The following ANO3 variants were observed in gnomAD, a reference collection of about 807,000 sequenced individuals.
The protein encoded by ANO3 is anoctamin-3.
Under a neutral mutation model 144.8 loss-of-function variants are expected in ANO3, and 99 were observed. That is an observed-to-expected ratio of 0.68 (90% CI 0.58 to 0.81). The LOEUF is 0.81. ANO3 is among the 30% of genes least tolerant of loss of function. ANO3 has a pLI of 0.00. For synonymous variants in ANO3, 414 were observed against 392.6 expected (o/e 1.05, Z -0.64); for missense variants, 905 against 1,202.2 (o/e 0.75, Z 3.66).
intron 14 of ANO3, among the ~76,000 whole-genome samples, chr11:26,590,238 A>G (rs1438195983): frequency 1.3e-5 from 2 of 152,236 alleles, no homozygotes; most frequent in African/African-American, 4.8e-5. Flanking sequence ...AGAGAAACTC[A>G]TATTTGTCAA....
At chr11:26,350,595 T>C (rs1487057064) in intron 1 of ANO3, among the ~76,000 whole-genome samples, 1 of 152,146 alleles carries the variant, frequency 6.6e-6, no homozygotes, top group African/African-American at 2.4e-5. Flanking sequence ...TTTAAGTGAA[T>C]CAGTGTTCAA....
intron 1 of ANO3, among the ~76,000 whole-genome samples, chr11:26,374,830 G>A (rs183260650): frequency 3.3e-5 from 5 of 152,268 alleles, no homozygotes; most frequent in East Asian, 1.9e-4. Flanking sequence ...TGCAACCTCC[G>A]CCTTCCAGGC....
At chr11:26,616,756 A>C (rs1258127615) in intron 17 of ANO3, among the ~76,000 whole-genome samples, 1 of 152,088 alleles carries the variant, frequency 6.6e-6, no homozygotes, top group Non-Finnish European at 1.5e-5. Flanking sequence ...ACATTTTCTT[A>C]CAAAATTGTT....
intron 1 of ANO3, among the ~76,000 whole-genome samples, chr11:26,371,666 T>A (rs766486665): frequency 1.3e-5 from 2 of 152,234 alleles, no homozygotes; most frequent in Non-Finnish European, 2.9e-5. Context: ...GCCCACCTCT[T>A]GCATTAGCAT....
In ANO3 at chr11:26,214,930, T is replaced by C. The variant is rs539118395; in HGVS notation, c.154+25600T>C. 1.2e-4 allele frequency among the ~76,000 whole-genome samples: 19 copies of C among 152,078 alleles called. 1 individual carries two copies. In the South Asian group the frequency reaches 3.9e-3, roughly 32 times the overall value. On this transcript the variant is annotated intron_variant, in intron 1 of 27. Transcript: ENST00000672621. ...TTTTGAGTACAGGTCAAGTATTTTG[T>C]AGAATGTCTCTCAACTGATATTTGT...
intron 4 of ANO3, among the ~76,000 whole-genome samples, chr11:26,500,921 C>A (rs1861170981): frequency 6.6e-6 from 1 of 152,032 alleles, no homozygotes; most frequent in Non-Finnish European, 1.5e-5. Flanking sequence ...TTGGATTTTT[C>A]TCTAATTTAG....
intron 1 of ANO3, among the ~76,000 whole-genome samples, chr11:26,374,629 T>C (rs1856355347): frequency 6.6e-6 from 1 of 152,246 alleles, no homozygotes; most frequent in African/African-American, 2.4e-5. Flanking sequence ...TGGACTCCTA[T>C]TCTATAAGAG....
chr11:26,218,773 TA>T (rs1015063465), intron 1 of ANO3, among the ~76,000 whole-genome samples: 7 of 152,132 alleles, frequency 4.6e-5, no homozygotes, highest in Non-Finnish European at 1.0e-4. Flanking sequence ...GGAAAAAATA[TA>T]AAAGCCTGTA....
At chr11:26,358,013 TTC>T (rs1489959660) in intron 1 of ANO3, among the ~76,000 whole-genome samples, 1 of 152,178 alleles carries the variant, frequency 6.6e-6, no homozygotes, top group East Asian at 1.9e-4. Context: ...ACTGGGCTGT[TTC>T]TGTTTCATTA....
Position 26,537,484 on chromosome 11 carries a change from G to A in ANO3, c.1032+23G>A, listed in dbSNP as rs376920817. 66 of 1,598,072 alleles carry A rather than the reference G, an allele frequency of 4.1e-5. No individual in the cohort carries two copies. In the Middle Eastern group the frequency reaches 5.0e-4, roughly 12 times the overall value. On this transcript the variant is annotated intron_variant, in intron 10 of 26. Coordinates refer to ENST00000256737, the MANE Select transcript of ANO3 (RefSeq NM_031418.4). ...GAGGTAATTTTGAAATACAGTTTCC[G>A]CTTTATAAACAAGGTTTTCATGCTC...
chr11:26,416,934 T>C (rs748922182), intron 1 of ANO3, among the ~76,000 whole-genome samples: 3 of 152,090 alleles, frequency 2.0e-5, no homozygotes, highest in Non-Finnish European at 2.9e-5. Context: ...TTGGCTAAAC[T>C]ATCCTCTAAT....
intron 1 of ANO3, among the ~76,000 whole-genome samples, chr11:26,421,873 C>A (rs1159768014): frequency 6.6e-6 from 1 of 152,038 alleles, no homozygotes; most frequent in African/African-American, 2.4e-5. Context: ...CATGTTCTCA[C>A]TTTTATAAGT....
intron 1 of ANO3, among the ~76,000 whole-genome samples, chr11:26,388,110 T>C (rs1210274935): frequency 6.6e-6 from 1 of 150,416 alleles, no homozygotes; most frequent in Non-Finnish European, 1.5e-5. Context: ...TTATATTTTT[T>C]AACTTTTAGA....
intron 1 of ANO3, among the ~76,000 whole-genome samples, chr11:26,256,204 G>A (rs118142816): frequency 6.6e-6 from 1 of 152,244 alleles, no homozygotes; most frequent in Non-Finnish European, 1.5e-5. Context: ...TTTTGAAAAT[G>A]TCTTAGCACT....
At chr11:26,286,927 A>T (rs915173989) in intron 1 of ANO3, among the ~76,000 whole-genome samples, 5 of 152,062 alleles carry the variant, frequency 3.3e-5, no homozygotes, top group African/African-American at 1.2e-4. Flanking sequence ...TCTTTATTGA[A>T]CTCTGGGCCA....
At chr11:26,476,027 T>G (rs1859955316) in intron 4 of ANO3, among the ~76,000 whole-genome samples, 1 of 152,080 alleles carries the variant, frequency 6.6e-6, no homozygotes, top group South Asian at 2.1e-4. Flanking sequence ...AGAATTTGCA[T>G]TTTTAAGTTT....
At chr11:26,639,390 G>A (rs1232614076) in intron 21 of ANO3, 149 bp downstream of exon 21, 15 of 619,308 alleles carry the variant, frequency 2.4e-5, no homozygotes, top group Middle Eastern at 6.9e-4. Flanking sequence ...GTCTGCCCAT[G>A]TGTAAATTAA....
intron 1 of ANO3, among the ~76,000 whole-genome samples, chr11:26,270,811 C>T (rs1853422578): frequency 6.6e-6 from 1 of 152,168 alleles, no homozygotes; most frequent in Non-Finnish European, 1.5e-5. Flanking sequence ...GAAAAGGATG[C>T]TTTGTAAACA....
intron 14 of ANO3, among the ~76,000 whole-genome samples, chr11:26,595,457 G>GTTTTTTTTTTT (rs1411703035): frequency 4.9e-4 from 33 of 67,824 alleles, no homozygotes; most frequent in African/African-American, 9.8e-4. Flanking sequence ...TTGAGATAGA[G>GTTTTTTTTTTT]TTGTTTTTTT....
Sources: gnomAD v4.1 joint callset for allele counts (sites outside exome capture counted in the v4.1 genomes callset) on GRCh38, gnomAD v4.1.1 for gene constraint, MANE v1.5 for transcripts, NCBI Gene and HGNC (gene_info 2026-07-23, HGNC 2026-07-21) for gene names.